The following JARID2 variants were observed in gnomAD, a reference collection of about 807,000 sequenced individuals.
The protein encoded by JARID2 is jumonji and AT-rich interaction domain containing 2.
In JARID2, 21 loss-of-function variants were observed where a neutral mutation model predicts 125.6. The observed-to-expected ratio is 0.17, with a 90% CI of 0.12 to 0.24. The LOEUF (loss-of-function observed/expected upper bound fraction) is 0.24, where lower values mean the gene tolerates loss of function less well. JARID2 is among the 10% of genes least tolerant of loss of function. The pLI, the probability that JARID2 is intolerant of heterozygous loss-of-function variation, is 1.00. For missense variants in JARID2, 1,303 were observed against 1,639.6 expected (o/e 0.79, Z 3.55); for synonymous variants, 736 against 661.6 (o/e 1.11, Z -1.73).
At chr6:15,468,804 A>T in intron 5 of JARID2, 86 bp downstream of exon 5, 1 of 1,347,416 alleles carries the variant, frequency 7.4e-7, no homozygotes, top group East Asian at 2.3e-5. Flanking sequence ...AAGAGATGAG[A>T]TGAAGGCAAA....
chr6:15,346,234 G>C (rs1763240937), intron 1 of JARID2, among the ~76,000 whole-genome samples: 1 of 152,164 alleles, frequency 6.6e-6, no homozygotes, highest in South Asian at 2.1e-4. Flanking sequence ...TTATTCATTA[G>C]GAGAGTAATT....
chr6:15,368,523 A>G (rs979205121), intron 1 of JARID2, among the ~76,000 whole-genome samples: 5 of 152,224 alleles, frequency 3.3e-5, no homozygotes, highest in Non-Finnish European at 7.3e-5. Context: ...AGGATTATTC[A>G]CATGTAATTT....
At chr6:15,508,240 CCTT>C in intron 11 of JARID2, 97 bp from the exon 12 acceptor site, 1 of 684,854 alleles carries the variant, frequency 1.5e-6, no homozygotes, top group East Asian at 2.6e-5. Flanking sequence ...CATTTCTTTT[CCTT>C]CTTGTTTTAG....
In JARID2 at chr6:15,452,036, T is replaced by A. The variant is rs144123914; in HGVS notation, c.354T>A (p.Ala118=). ...RPRLQAQRKF[A]QSQPNSPSTT... is the part of the protein sequence containing the mutation. Reference sequence around the variant, plus strand: ...GGCTGCAAGCACAAAGGAAGTTTGCTCAGTCTCAGCCGAATAGTCCCAGCA... The same window carrying A: ...GGCTGCAAGCACAAAGGAAGTTTGCACAGTCTCAGCCGAATAGTCCCAGCA... Residue 118 remains alanine, a synonymous_variant, in exon 4 of 18, where the codon GCT becomes GCA. Coordinates refer to ENST00000341776, the MANE Select transcript of JARID2 (RefSeq NM_004973.4). 3.1e-6 allele frequency: 5 copies of A among 1,613,608 alleles called. No individual in the cohort carries two copies. In the African/African-American group the frequency reaches 5.3e-5, roughly 17 times the overall value.
chr6:15,250,798 C>T (rs1759416099), intron 1 of JARID2, among the ~76,000 whole-genome samples: 3 of 152,246 alleles, frequency 2.0e-5, no homozygotes, highest in South Asian at 2.1e-4. Flanking sequence ...TGACGCACTT[C>T]CAAGTGCCTT....
chr6:15,428,704 G>C (rs753914486), intron 3 of JARID2, among the ~76,000 whole-genome samples: 3 of 151,966 alleles, frequency 2.0e-5, no homozygotes, highest in Non-Finnish European at 4.4e-5. Flanking sequence ...TCAAGAGTTC[G>C]AGACCAGCCT....
At chr6:15,350,157 C>G (rs148611806) in intron 1 of JARID2, among the ~76,000 whole-genome samples, 1 of 152,240 alleles carries the variant, frequency 6.6e-6, no homozygotes, top group East Asian at 1.9e-4. Flanking sequence ...TTCCATCAAG[C>G]TTGAGGCTGT....
intron 3 of JARID2, among the ~76,000 whole-genome samples, 192 bp downstream of exon 3, chr6:15,410,557 G>GA (rs911583117): frequency 3.3e-5 from 5 of 151,724 alleles, no homozygotes; most frequent in African/African-American, 4.8e-5. Context: ...TTAAAAACGG[G>GA]AAAAAAAAGT....
intron 1 of JARID2, among the ~76,000 whole-genome samples, chr6:15,344,188 G>A (rs1349136130): frequency 6.9e-6 from 1 of 145,800 alleles, no homozygotes; most frequent in African/African-American, 2.5e-5. Flanking sequence ...GACCCTTGAA[G>A]CGTTTTTGGA....
At chr6:15,371,143 T>C (rs866804518) in intron 1 of JARID2, among the ~76,000 whole-genome samples, 1 of 152,230 alleles carries the variant, frequency 6.6e-6, no homozygotes, top group African/African-American at 2.4e-5. Context: ...CTTGTGTCAG[T>C]AACTGAACCT....
At chr6:15,393,628 C>T (rs1294683140) in intron 2 of JARID2, among the ~76,000 whole-genome samples, 1 of 152,178 alleles carries the variant, frequency 6.6e-6, no homozygotes, top group Non-Finnish European at 1.5e-5. Context: ...CCATATTTAT[C>T]GTTGCAGCAC....
At chr6:15,347,443 A>G (rs972043768) in intron 1 of JARID2, among the ~76,000 whole-genome samples, 1 of 152,122 alleles carries the variant, frequency 6.6e-6, no homozygotes, top group Non-Finnish European at 1.5e-5. Flanking sequence ...AACCTTTTAA[A>G]CCATCAGAAT....
At chr6:15,453,979 A>G (rs1768036594) in intron 4 of JARID2, among the ~76,000 whole-genome samples, 1 of 152,236 alleles carries the variant, frequency 6.6e-6, no homozygotes, top group Non-Finnish European at 1.5e-5. Context: ...TGCTCTTAGT[A>G]GACTGAGGTT....
At chr6:15,323,279 T>C (rs1299788629) in intron 1 of JARID2, among the ~76,000 whole-genome samples, 1 of 152,240 alleles carries the variant, frequency 6.6e-6, no homozygotes, top group Non-Finnish European at 1.5e-5. Context: ...GGATTAGCTG[T>C]GTCTTGTTCT....
chr6:15,275,979 T>C (rs1044276506), intron 1 of JARID2, among the ~76,000 whole-genome samples: 3 of 152,202 alleles, frequency 2.0e-5, no homozygotes, highest in African/African-American at 7.2e-5. Flanking sequence ...CCAGTGCTTC[T>C]GTATTGATGT....
At chr6:15,505,580 G>C (rs1055444364) in intron 9 of JARID2, among the ~76,000 whole-genome samples, 6 of 152,220 alleles carry the variant, frequency 3.9e-5, no homozygotes, top group African/African-American at 1.4e-4. Flanking sequence ...GTCCAGCCCT[G>C]TGGCCCACCC....
chr6:15,481,974 C>G (rs561343150), intron 5 of JARID2, among the ~76,000 whole-genome samples: 47 of 152,286 alleles, frequency 3.1e-4, no homozygotes, highest in African/African-American at 1.1e-3. Flanking sequence ...GCTTTGCTGT[C>G]CATAGTATTT....
chr6:15,410,010 A>C (rs561320381), intron 2 of JARID2, among the ~76,000 whole-genome samples: 1 of 152,274 alleles, frequency 6.6e-6, no homozygotes, highest in African/African-American at 2.4e-5. Flanking sequence ...TTACTGTTGA[A>C]ATTGTTTCCC....
At chr6:15,369,117 A>G (rs1213871965) in intron 1 of JARID2, among the ~76,000 whole-genome samples, 1 of 152,166 alleles carries the variant, frequency 6.6e-6, no homozygotes, top group African/African-American at 2.4e-5. Context: ...TCATGTGCTT[A>G]CTTTCTGAGC....
Sources: allele counts gnomAD v4.1 joint callset (sites outside exome capture counted in the v4.1 genomes callset), GRCh38; gene constraint gnomAD v4.1.1; transcripts MANE v1.5; gene names NCBI Gene and HGNC (gene_info 2026-07-23, HGNC 2026-07-21).